The following IGSF22 variants were observed in gnomAD, a reference collection of about 807,000 sequenced individuals.
IGSF22 encodes the protein immunoglobulin superfamily member 22.
In IGSF22, 119 loss-of-function variants were observed where a neutral mutation model predicts 127.0. The observed-to-expected ratio is 0.94, with a 90% CI of 0.81 to 1.09. The LOEUF (loss-of-function observed/expected upper bound fraction) is 1.09. Ranked by LOEUF, IGSF22 falls within the 50% of genes least tolerant of loss-of-function variation. The pLI, the probability that IGSF22 is intolerant of heterozygous loss-of-function variation, is 0.00. For missense variants in IGSF22, 1,518 were observed against 1,716.6 expected, an observed-to-expected ratio of 0.88 and a Z score of 2.04; for synonymous variants, 568 against 664.7, an observed-to-expected ratio of 0.85 and a Z score of 2.24.
intron 1 of IGSF22, among the ~76,000 whole-genome samples, chr11:18,724,759 C>T (rs1848625751): frequency 6.6e-6 from 1 of 152,166 alleles, no homozygotes; most frequent in Non-Finnish European, 1.5e-5. Flanking sequence ...AACATCACTA[C>T]AATTCTGCTT....
Position 18,719,785 on chromosome 11 carries a change from C to A in IGSF22, c.627G>T (p.Glu209Asp). 1 of 1,614,208 alleles carries A rather than the reference C, an allele frequency of 6.2e-7. No individual in the cohort carries two copies. The highest frequency in any genetic ancestry group is 8.5e-7 in the Non-Finnish European group (1 of 1,180,044). ...GCCCCCGAAAGTCGGTGAAACCATA[C>A]TCCATGCACACCTTCTCAAAGTCTT... ...PKKDFEKVCMEYGFTDFRGLL... is the reference protein window; with the variant it reads ...PKKDFEKVCMDYGFTDFRGLL... The change falls in exon 7 of 23, where the codon GAG becomes GAT. Residue 209 changes from glutamate (E) to aspartate (D), a missense_variant. Glu to Asp is a conservative substitution (Grantham distance 45). Coordinates refer to ENST00000513874, the MANE Select transcript of IGSF22 (RefSeq NM_173588.4).
chr11:18,719,905 A>T lies in IGSF22; in HGVS notation c.519-12T>A, dbSNP rs554341315. The stretch of plus-strand genomic sequence containing the variant: ...GAGCAGGGGGTGCCCTAGGAGAAGG[A>T]GGAAGGGACTAAGCTTGTACACAAT... On this transcript the variant is annotated splice_polypyrimidine_tract_variant and intron_variant, in intron 6 of 22. Coordinates refer to ENST00000513874, the MANE Select transcript of IGSF22 (RefSeq NM_173588.4). 6.2e-7 allele frequency: 1 copy of T among 1,614,050 alleles called. No homozygotes were observed. Among genetic ancestry groups the T allele is most frequent in the Non-Finnish European group, 8.5e-7 (1 of 1,179,972 alleles).
Position 18,714,376 on chromosome 11 carries a change from C to T in IGSF22, c.1699G>A (p.Val567Met). 1 of 1,614,254 alleles carries T rather than the reference C, an allele frequency of 6.2e-7. No homozygotes were observed. The highest frequency in any genetic ancestry group is 8.5e-7 in the Non-Finnish European group (1 of 1,180,044). ...PGMQIVKQGA[V>M]HKLIFPSMGP... Reference sequence around the variant, plus strand: ...ATACTGGGAAAGATGAGCTTGTGCACTGCACCCTGCTTCACAATCTGCATG... The same window carrying T: ...ATACTGGGAAAGATGAGCTTGTGCATTGCACCCTGCTTCACAATCTGCATG... The change falls in exon 13 of 23, where the codon GTG becomes ATG. Residue 567 changes from valine to methionine, a missense_variant. By Grantham distance (21) the Val-to-Met change is conservative. Coordinates refer to ENST00000513874, the MANE Select transcript of IGSF22 (RefSeq NM_173588.4).
Position 18,716,737 on chromosome 11 carries a change from T to C in IGSF22, c.1237A>G (p.Thr413Ala). The change falls in exon 10 of 23, where the codon ACT becomes GCT. Residue 413 changes from threonine to alanine, a missense_variant. Thr to Ala is a moderately conservative substitution (Grantham distance 58, BLOSUM62 0). Coordinates refer to ENST00000513874, the MANE Select transcript of IGSF22 (RefSeq NM_173588.4). The surrounding 1 kb of genome is among the most constrained non-coding windows in gnomAD (Gnocchi z 4.5). ...AGNLVQKAQL[T>A]VDRIPIKFVS... The stretch of plus-strand genomic sequence containing the variant: ...TTGCCCAACCACTCACGGTCAACAG[T>C]GAGCTGGGCCTTTTGTACCAGGTTC... 3 of 1,613,868 alleles carry C rather than the reference T, an allele frequency of 1.9e-6. No homozygotes were observed. The highest frequency in any genetic ancestry group is 2.5e-6 in the Non-Finnish European group (3 of 1,179,738).
rs141254222 is a variant in IGSF22, at chr11:18,707,929, G to T, written c.3155C>A (p.Thr1052Asn). 4.5e-4 allele frequency: 727 copies of T among 1,614,220 alleles called. 1 individual carries two copies. The highest frequency in any genetic ancestry group is 5.8e-4 in the Non-Finnish European group (682 of 1,180,032). Residue 1052 changes from threonine (T) to asparagine (N), a missense_variant, in exon 20 of 23, where the codon ACC (threonine) becomes AAC (asparagine). By Grantham distance (65) the Thr-to-Asn change is moderately conservative (BLOSUM62 0). This residue lies in a region of IGSF22 where 1,456 missense variants were observed against 1,644.9 expected (regional missense o/e 0.89). Coordinates refer to ENST00000513874, the MANE Select transcript of IGSF22 (RefSeq NM_173588.4). ...GAACTGGGAGTGGTTTTTGCTCTTG[G>T]TAATTGTCTCTCGGCCCTTGGTGGG... ...GVPTKGRETITKSKNHSQFLI... is the reference protein window; with the variant it reads ...GVPTKGRETINKSKNHSQFLI...
Position 18,718,644 on chromosome 11 carries a change from C to G in IGSF22, c.781G>C (p.Asp261His). Residue 261 changes from aspartate (D) to histidine (H), a missense_variant, in exon 8 of 23, where the codon GAC becomes CAC. By Grantham distance (81) the Asp-to-His change is moderately conservative. Around this residue, in one of 3 missense-constraint regions of IGSF22, gnomAD observed 1,456 missense variants for 1,644.9 expected, o/e 0.89. Coordinates refer to ENST00000513874, the MANE Select transcript of IGSF22 (RefSeq NM_173588.4). ...VVFDCIMELK[D>H]PNVKMIWIKG... ...ATCCATATCATCTTGACATTGGGGT[C>G]TTTCAGTTCCATTATGCAGTCAAAG... 2 of 1,612,724 alleles carry G rather than the reference C, an allele frequency of 1.2e-6. No homozygotes were observed. The highest frequency in any genetic ancestry group is 1.7e-6 in the Non-Finnish European group (2 of 1,178,706).
At chr11:18,717,057 T>A in intron 9 of IGSF22, 57 bp from the exon 10 acceptor site, 1 of 1,571,062 alleles carries the variant, frequency 6.4e-7, no homozygotes, top group East Asian at 2.2e-5. Flanking sequence ...AGGGGTGGAG[T>A]GGTGAAGAGG....
chr11:18,721,698 G>C, intron 3 of IGSF22, 27 bp from the exon 4 acceptor site: 1 of 1,613,468 alleles, frequency 6.2e-7, no homozygotes, highest in Non-Finnish European at 8.5e-7. Flanking sequence ...ACGCGTTTTC[G>C]CCTCTTAGCC....
In IGSF22 at chr11:18,715,455, C is replaced by A. The variant is rs3887899; in HGVS notation, c.1508G>T (p.Ser503Ile). 8,541 of 1,612,866 alleles carry A rather than the reference C, an allele frequency of 5.3e-3. 428 individuals are homozygous for A. In the African/African-American group the frequency reaches 0.1, roughly 19 times the overall value. Residue 503 changes from serine (S) to isoleucine (I), a missense_variant, in exon 11 of 23, where the codon AGT becomes ATT. Physicochemically the swap from Ser to Ile is moderately radical, Grantham distance 142. Transcript: ENST00000513874. ...ACCCTCCACAGTGACGATGGCAGTA[C>A]TGTAGTATTCAGTAGGGTCTCCATC... ...MQDGDPTEYY[S>I]TAIVTVEERL...
chr11:18,715,548 C>T lies in IGSF22; in HGVS notation c.1415G>A (p.Arg472Gln), dbSNP rs4424652. ...TGCATCCTCAATGATCAGCTCTGCT[C>T]GCTTGCCCTCATGGTTCATGCTGTA... ...TKYSMNHEGK[R>Q]AELIIEDAQL... Residue 472 changes from arginine to glutamine, a missense_variant, in exon 11 of 23, where the codon CGA becomes CAA. By Grantham distance (43) the Arg-to-Gln change is conservative. Transcript: ENST00000513874. The T allele has an allele frequency of 0.74, 1,197,096 of 1,613,786 alleles. 445,772 individuals are homozygous for T. The highest frequency in any genetic ancestry group is 0.82 in the East Asian group (36,762 of 44,870).
In IGSF22 at chr11:18,712,043, C is replaced by T. The variant is rs938233791; in HGVS notation, c.2398+39G>A. On this transcript the variant is annotated intron_variant, in intron 15 of 22. Transcript: ENST00000513874. The stretch of plus-strand genomic sequence containing the variant: ...CCTGGCTTAAGGTCTCCATGCTGAC[C>T]CCTGGGTTCCCCACTGAGCACCAGG... The T allele has an allele frequency of 9.3e-6, 14 of 1,512,126 alleles. No individual in the cohort carries two copies. The African/African-American group carries it at 1.5e-4, about 16-fold the overall frequency. The allele number at this position is 1,512,126 out of a possible 1,614,324, so 93.7% of individuals were successfully genotyped here. A position where few individuals can be genotyped will look rare whatever the true frequency, so the allele number is the denominator to read the frequency against.
chr11:18,720,744 C>A (rs1023538819), intron 4 of IGSF22, among the ~76,000 whole-genome samples: 1 of 152,196 alleles, frequency 6.6e-6, no homozygotes, highest in Non-Finnish European at 1.5e-5. Flanking sequence ...GAAGCCAAGG[C>A]TCTCAGAAAG....
intron 19 of IGSF22, 97 bp downstream of exon 19, chr11:18,708,110 G>A: frequency 2.6e-6 from 4 of 1,528,050 alleles, no homozygotes; most frequent in Non-Finnish European, 3.6e-6. Context: ...GTCTGGTGAG[G>A]GGCAGAGTCA....
Position 18,704,444 on chromosome 11 carries a change from C to T in IGSF22, c.*24G>A, listed in dbSNP as rs1428018520. 1 of 1,522,004 alleles carries T rather than the reference C, an allele frequency of 6.6e-7. No individual in the cohort carries two copies. The highest frequency in any genetic ancestry group is 8.9e-7 in the Non-Finnish European group (1 of 1,120,094). The allele number at this position is 1,522,004 out of a possible 1,614,324, so 94.3% of individuals were successfully genotyped here. A position where few individuals can be genotyped will look rare whatever the true frequency, so the allele number is the denominator to read the frequency against. On this transcript the variant is annotated 3_prime_UTR_variant, in exon 23 of 23. Transcript: ENST00000513874. ...AGAAACTCCACATCATAACAGCCTCCTGATGCCTGGGCTTGGCTGGAGCTC... is the reference window on the plus strand; with the variant it reads ...AGAAACTCCACATCATAACAGCCTCTTGATGCCTGGGCTTGGCTGGAGCTC...
intron 3 of IGSF22, 76 bp from the exon 4 acceptor site, chr11:18,721,747 G>A: frequency 6.2e-7 from 1 of 1,600,170 alleles, no homozygotes; most frequent in Non-Finnish European, 8.5e-7. Context: ...CCGGCTCTCT[G>A]CCTCCTCCCA....
chr11:18,712,736 C>T (rs182823550), intron 14 of IGSF22, among the ~76,000 whole-genome samples: 4 of 152,338 alleles, frequency 2.6e-5, no homozygotes, highest in Non-Finnish European at 1.5e-5. Context: ...TAATTACAGT[C>T]TGTCTACCAG....
intron 20 of IGSF22, 51 bp from the exon 21 acceptor site, chr11:18,707,264 T>G (rs1424848768): frequency 1.4e-6 from 2 of 1,442,528 alleles, no homozygotes; most frequent in Non-Finnish European, 1.8e-6. Flanking sequence ...TGAAGTATTA[T>G]GTCCCCACCC....
At chr11:18,724,093 C>A in intron 2 of IGSF22, 35 bp downstream of exon 2, 1 of 1,548,168 alleles carries the variant, frequency 6.5e-7, no homozygotes. Flanking sequence ...AATAGCTGCC[C>A]TTCCCGATCC....
chr11:18,710,243 A>G lies in IGSF22; in HGVS notation c.2701+84T>C, dbSNP rs895810781. 10 of 1,561,350 alleles carry G rather than the reference A, an allele frequency of 6.4e-6. No individual in the cohort carries two copies. In the Admixed American group the frequency reaches 6.8e-5, roughly 11 times the overall value. On this transcript the variant is annotated intron_variant, in intron 17 of 22. Transcript: ENST00000513874. ...TGTAGAGACTGTGATACCTCGTGTC[A>G]TACTTTCCCGGGGAAGAAATTCTTT...
Sources: allele counts gnomAD v4.1 joint callset (sites outside exome capture counted in the v4.1 genomes callset), GRCh38; gene constraint gnomAD v4.1.1; regional missense constraint gnomAD v4.1.1; non-coding constraint Gnocchi (gnomAD v3.1); transcripts MANE v1.5; gene names NCBI Gene and HGNC (gene_info 2026-07-23, HGNC 2026-07-21).